The following WDR27 variants were observed in gnomAD, a reference collection of about 807,000 sequenced individuals.
The protein encoded by WDR27 is WD repeat domain 27, also known as WD repeat-containing protein 27.
WDR27 carries 100 observed loss-of-function variants against 114.4 expected under a neutral mutation model. The ratio of observed to expected loss-of-function variants is 0.87; its 90% confidence interval spans 0.74 to 1.03. WDR27 has a LOEUF of 1.03. WDR27 is among the 50% of genes least tolerant of loss of function. The pLI is 0.00. For missense variants in WDR27, 1,129 were observed against 1,092.9 expected (o/e 1.03, Z -0.47); for synonymous variants, 449 against 423.1 (o/e 1.06, Z -0.75).
intron 13 of WDR27, 166 bp downstream of exon 13, chr6:169,658,110 G>T: frequency 1.7e-6 from 1 of 593,560 alleles, no homozygotes. Context: ...CCACCACAGC[G>T]GACATGGAAC....
rs775035522 is a variant in WDR27 at position 169,634,516 on chromosome 6, C to T, written c.2013G>A (p.Gln671=). The stretch of plus-strand genomic sequence containing the variant: ...TGCAAATCAGCTTGGACTTGCTCTT[C>T]TGTTTATATCTGGAAGAGAAAATCA... ...TCKDEIKRYK[Q]KSKSKLICRL... Residue 671 remains glutamine (Q), a synonymous_variant, in exon 20 of 26, where the codon CAG becomes CAA. Coordinates refer to ENST00000448612, the MANE Select transcript of WDR27 (RefSeq NM_182552.5). 8.7e-6 allele frequency: 14 copies of T among 1,608,618 alleles called. No individual in the cohort carries two copies. The highest frequency in any genetic ancestry group is 5.1e-5 in the Admixed American group (3 of 59,386).
At chr6:169,614,580 G>T (rs1027398907) in intron 21 of WDR27, among the ~76,000 whole-genome samples, 3 of 151,694 alleles carry the variant, frequency 2.0e-5, no homozygotes, top group Non-Finnish European at 2.9e-5. Context: ...CCCAGCTACT[G>T]GGGAGACTGA....
chr6:169,525,269 G>A (rs557400580), intron 25 of WDR27, among the ~76,000 whole-genome samples: 1 of 152,224 alleles, frequency 6.6e-6, no homozygotes, highest in African/African-American at 2.4e-5. Flanking sequence ...AGGCGTGGTG[G>A]TTTACGCCTG....
intron 5 of WDR27, among the ~76,000 whole-genome samples, chr6:169,667,569 C>T (rs1030908566): frequency 3.2e-4 from 48 of 152,204 alleles, no homozygotes; most frequent in African/African-American, 1.1e-3. Context: ...CACTGTCAGG[C>T]GCACACTGAT....
At chr6:169,668,953 T>C (rs569013134) in intron 4 of WDR27, among the ~76,000 whole-genome samples, 84 of 152,290 alleles carry the variant, frequency 5.5e-4, no homozygotes, top group African/African-American at 2.0e-3. Flanking sequence ...TACCATCAGA[T>C]TGTTAAAAAT....
chr6:169,581,073 C>G (rs750720920), intron 24 of WDR27, among the ~76,000 whole-genome samples: 1 of 151,692 alleles, frequency 6.6e-6, no homozygotes, highest in Non-Finnish European at 1.5e-5. Flanking sequence ...CGTCAGGAAG[C>G]AAGGTTCATG....
chr6:169,661,385 CG>C (rs1562856005), intron 9 of WDR27, among the ~76,000 whole-genome samples: 1 of 152,150 alleles, frequency 6.6e-6, no homozygotes, highest in Admixed American at 6.5e-5. Context: ...CCAATGCCAA[CG>C]GGGTCTGTTA....
In WDR27 at chr6:169,659,392, A is replaced by T; in HGVS notation, c.1197+59T>A. The T allele has an allele frequency of 2.5e-6, 4 of 1,592,682 alleles. No homozygotes were observed. In the East Asian group the frequency reaches 9.1e-5, roughly 36 times the overall value. On this transcript the variant is annotated intron_variant, in intron 11 of 25. Coordinates refer to ENST00000448612, the MANE Select transcript of WDR27 (RefSeq NM_182552.5). This position sits in a 1 kb window ranked among gnomAD's most constrained non-coding sequence, Gnocchi z 4.3. ...GCCAGTCGTTACAGGATCACTCTGA[A>T]GAAAGAAGAAATCAGAGGCACGTCT... is the stretch of plus-strand genomic sequence containing the variant.
chr6:169,495,757 G>T (rs1401998827), intron 25 of WDR27, among the ~76,000 whole-genome samples: 4 of 151,958 alleles, frequency 2.6e-5, no homozygotes, highest in African/African-American at 7.3e-5. Context: ...CTTATCAGTA[G>T]TAAGAATAAT....
At chr6:169,663,348 G>A (rs1455999098) in intron 8 of WDR27, among the ~76,000 whole-genome samples, 1 of 151,900 alleles carries the variant, frequency 6.6e-6, no homozygotes, top group African/African-American at 2.4e-5. Flanking sequence ...ATAGTTTAAA[G>A]TCATCTACAA....
the WDR27 span, among the ~76,000 whole-genome samples, chr6:169,435,344 A>C: frequency 6.6e-6 from 1 of 152,182 alleles, no homozygotes; most frequent in Non-Finnish European, 1.5e-5. Context: ...CTGTGAGAAA[A>C]GGGACCATCC....
At chr6:169,553,012 GTGTGTGTGTGTGTGTA>G (rs1191680393) in intron 25 of WDR27, among the ~76,000 whole-genome samples, 6 of 113,254 alleles carry the variant, frequency 5.3e-5, no homozygotes, top group East Asian at 2.9e-4. Flanking sequence ...GTGTGTGTGT[GTGTGTGTGTGTGTGTA>G]TGCAGGGAGG....
At chr6:169,427,456 A>C in the WDR27 span, among the ~76,000 whole-genome samples, 1 of 152,124 alleles carries the variant, frequency 6.6e-6, no homozygotes, top group African/African-American at 2.4e-5. Flanking sequence ...CATCTTAGAA[A>C]CTGAAAGGAA....
chr6:169,434,751 G>A, the WDR27 span, among the ~76,000 whole-genome samples: 26 of 152,100 alleles, frequency 1.7e-4, no homozygotes, highest in Admixed American at 7.9e-4. Context: ...GCTTTACAAG[G>A]GAAATGGAGC....
intron 13 of WDR27, among the ~76,000 whole-genome samples, chr6:169,652,840 G>A (rs762031389): frequency 5.9e-5 from 9 of 152,138 alleles, no homozygotes; most frequent in East Asian, 1.9e-4. Flanking sequence ...AAATGCTATC[G>A]TTAGTTGCGA....
intron 25 of WDR27, among the ~76,000 whole-genome samples, chr6:169,557,103 A>G (rs2128109231): frequency 6.6e-6 from 1 of 152,324 alleles, no homozygotes; most frequent in South Asian, 2.1e-4. Flanking sequence ...AAGAATTTTT[A>G]TGGCAGCATT....
At chr6:169,673,259 C>T (rs1779217526) in intron 2 of WDR27, among the ~76,000 whole-genome samples, 2 of 151,998 alleles carry the variant, frequency 1.3e-5, no homozygotes, top group African/African-American at 4.8e-5. Context: ...AGCTGAGATG[C>T]TTATAAGGCG....
At chr6:169,564,931 G>A (rs1247921400) in intron 25 of WDR27, among the ~76,000 whole-genome samples, 2 of 152,250 alleles carry the variant, frequency 1.3e-5, no homozygotes, top group Non-Finnish European at 2.9e-5. Context: ...AACCACAGGT[G>A]CAGAACGGGT....
At chr6:169,426,973 T>TGCGGGG in the WDR27 span, 6 of 35,060 alleles carry the variant, frequency 1.7e-4, no homozygotes, top group African/African-American at 4.8e-4. Context: ...GTGGGGGCAG[T>TGCGGGG]GGGGGGGGGG....
Sources: gnomAD v4.1 joint callset for allele counts (sites outside exome capture counted in the v4.1 genomes callset) on GRCh38, gnomAD v4.1.1 for gene constraint, Gnocchi (gnomAD v3.1) non-coding constraint, MANE v1.5 for transcripts, NCBI Gene and HGNC (gene_info 2026-07-23, HGNC 2026-07-21) for gene names.